ANO3: variants seen among roughly 807,000 people sequenced by gnomAD.
ANO3 encodes anoctamin 3, also known as anoctamin-3.
ANO3 carries 99 observed loss-of-function variants against 144.8 expected under a neutral mutation model. That is an observed-to-expected ratio of 0.68 (90% CI 0.58 to 0.81). ANO3 has a LOEUF of 0.81. Among genes scored for constraint, ANO3 ranks in the 30% least tolerant of loss-of-function variants. The pLI is 0.00. For missense variants in ANO3, 905 were observed against 1,202.2 expected (o/e 0.75, Z 3.66); for synonymous variants, 414 against 392.6 (o/e 1.05, Z -0.64).
At chr11:26,356,355 T>C (rs1365962518) in intron 1 of ANO3, among the ~76,000 whole-genome samples, 1 of 152,158 alleles carries the variant, frequency 6.6e-6, no homozygotes, top group African/African-American at 2.4e-5. Flanking sequence ...AAATTATAGC[T>C]CATCCCTAAA....
chr11:26,561,351 G>C, intron 14 of ANO3: 1 of 696,272 alleles, frequency 1.4e-6, no homozygotes, highest in Non-Finnish European at 2.1e-6. Context: ...GGGCTTTTTA[G>C]ATTTTAGTTT....
chr11:26,341,687 T>A (rs1327693944), intron 1 of ANO3, among the ~76,000 whole-genome samples: 2 of 152,156 alleles, frequency 1.3e-5, no homozygotes, highest in African/African-American at 2.4e-5. Flanking sequence ...CGTCTGCAAG[T>A]TGCAGAGCAA....
chr11:26,358,249 G>A (rs984190343), intron 1 of ANO3, among the ~76,000 whole-genome samples: 2 of 137,064 alleles, frequency 1.5e-5, no homozygotes, highest in Non-Finnish European at 3.0e-5. Flanking sequence ...TCAGCTCACT[G>A]CAACCTCCGC....
chr11:26,230,426 G>A (rs1852365685), intron 1 of ANO3, among the ~76,000 whole-genome samples: 1 of 152,088 alleles, frequency 6.6e-6, no homozygotes, highest in South Asian at 2.1e-4. Context: ...CTCATATCTG[G>A]ACTGATATTC....
Position 26,539,687 on chromosome 11 carries a change from G to A in ANO3, c.1032+2226G>A, listed in dbSNP as rs186669640. On this transcript the variant is annotated intron_variant, in intron 10 of 26. Coordinates refer to ENST00000256737, the MANE Select transcript of ANO3 (RefSeq NM_031418.4). ...TCTTCTTTCCTTATGGGAGCTCACC[G>A]TCCTGGTTGTCAAGGAATATTCTGA... Among the ~76,000 whole-genome samples, 24 of 152,226 alleles carry A rather than the reference G, an allele frequency of 1.6e-4. No individual in the cohort carries two copies. In the East Asian group the frequency reaches 2.3e-3, roughly 15 times the overall value.
chr11:26,605,637 G>A (rs1335757579), intron 17 of ANO3, among the ~76,000 whole-genome samples: 4 of 151,966 alleles, frequency 2.6e-5, no homozygotes, highest in Non-Finnish European at 5.9e-5. Context: ...TCAGGGATTC[G>A]ACTTCTTCCT....
rs528875078 is a variant in ANO3, at chr11:26,582,531, T to C, written c.1448-15834T>C. Among the ~76,000 whole-genome samples, 4 of 152,230 alleles carry C rather than the reference T, an allele frequency of 2.6e-5. No homozygotes were observed. In the East Asian group the frequency reaches 5.8e-4, roughly 22 times the overall value. ...AGGAGATGGAAGTCTTTAAGGAGCT[T>C]AGTTGTAGTTTCAGTTTTTGTTTTT... On this transcript the variant is annotated intron_variant, in intron 14 of 26. Coordinates refer to ENST00000256737, the MANE Select transcript of ANO3 (RefSeq NM_031418.4).
chr11:26,220,488 C>T (rs1022410799), intron 1 of ANO3, among the ~76,000 whole-genome samples: 12 of 151,900 alleles, frequency 7.9e-5, no homozygotes, highest in African/African-American at 2.9e-4. Context: ...TATCCAGGTG[C>T]AGCTGGAGAT....
intron 20 of ANO3, among the ~76,000 whole-genome samples, chr11:26,638,448 G>A (rs6484231): frequency 0.35 from 52,847 of 151,984 alleles, 9,778 homozygotes; most frequent in South Asian, 0.48. Context: ...GTACACATCC[G>A]GCAATCTTCA....
chr11:26,235,089 T>C (rs1852490093), intron 1 of ANO3, among the ~76,000 whole-genome samples: 1 of 151,888 alleles, frequency 6.6e-6, no homozygotes, highest in South Asian at 2.1e-4. Context: ...GGGCCAGCAA[T>C]GGATTTCTAG....
intron 1 of ANO3, among the ~76,000 whole-genome samples, chr11:26,337,789 T>A (rs761074770): frequency 3.9e-5 from 6 of 151,934 alleles, no homozygotes; most frequent in Non-Finnish European, 7.4e-5. Context: ...ACAAAAATTA[T>A]CTGGGTGTGG....
At chr11:26,593,177 C>A (rs1851502467) in intron 14 of ANO3, among the ~76,000 whole-genome samples, 1 of 152,148 alleles carries the variant, frequency 6.6e-6, no homozygotes, top group African/African-American at 2.4e-5. Context: ...AATTCCCTTT[C>A]TCTCCATATT....
Position 26,542,067 on chromosome 11 carries a change from A to C in ANO3, c.1153A>C (p.Arg385=), listed in dbSNP as rs1849660079. Residue 385 remains arginine (R), a splice_region_variant and synonymous_variant, in exon 11 of 27, where the codon AGG becomes CGG. Coordinates refer to ENST00000256737, the MANE Select transcript of ANO3 (RefSeq NM_031418.4). ...TAAGCATCAGCCTCTGGATTTAATC[A>C]GGTACTGCAAATGGAACAATAATGA... ...WYKHQPLDLI[R]LYFGEKIGLY... The C allele has an allele frequency of 6.2e-7, 1 of 1,607,336 alleles. No individual in the cohort carries two copies. Among genetic ancestry groups the C allele is most frequent in the African/African-American group, 1.3e-5 (1 of 74,574 alleles).
chr11:26,417,358 C>T (rs1474870682), intron 1 of ANO3, among the ~76,000 whole-genome samples: 7 of 152,146 alleles, frequency 4.6e-5, no homozygotes, highest in South Asian at 2.1e-4. Flanking sequence ...GTAATAAAAA[C>T]GAACAAATTC....
intron 5 of ANO3, among the ~76,000 whole-genome samples, chr11:26,510,725 T>C (rs1367840629): frequency 6.6e-6 from 1 of 152,252 alleles, no homozygotes; most frequent in Admixed American, 6.5e-5. Context: ...ACATGAAATC[T>C]GTATATTCAT....
chr11:26,416,957 T>C (rs1371440428), intron 1 of ANO3, among the ~76,000 whole-genome samples: 1 of 152,084 alleles, frequency 6.6e-6, no homozygotes, highest in African/African-American at 2.4e-5. Flanking sequence ...TTTTACTGTT[T>C]TCAGCTTCAA....
At position 26,219,253 on chromosome 11, in the gene ANO3, G is replaced by A. The variant is rs906492965; in HGVS notation, c.154+29923G>A. 1.4e-4 allele frequency among the ~76,000 whole-genome samples: 22 copies of A among 152,282 alleles called. 1 individual carries two copies. The highest frequency in any genetic ancestry group is 4.8e-4 in the African/African-American group (20 of 41,574). On this transcript the variant is annotated intron_variant, in intron 1 of 27. Coordinates refer to the ANO3 transcript ENST00000672621. ...AGATATTTTAAAAATTCTTTTCCAA[G>A]AGATGTTTAAACCCATGAGAAAAGG...
At chr11:26,569,067 T>C (rs1171271124) in intron 14 of ANO3, among the ~76,000 whole-genome samples, 1 of 152,062 alleles carries the variant, frequency 6.6e-6, no homozygotes, top group Non-Finnish European at 1.5e-5. Context: ...GTGAGAGACA[T>C]GGCATTGAGC....
chr11:26,230,035 G>T (rs7933096), intron 1 of ANO3, among the ~76,000 whole-genome samples: 46,485 of 151,994 alleles, frequency 0.31, 7,797 homozygotes, highest in Non-Finnish European at 0.37. Flanking sequence ...TCCAAAGCAA[G>T]GTAGGCCATC....
Sources: gnomAD v4.1 joint callset for allele counts (sites outside exome capture counted in the v4.1 genomes callset) on GRCh38, gnomAD v4.1.1 for gene constraint, MANE v1.5 for transcripts, NCBI Gene and HGNC (gene_info 2026-07-23, HGNC 2026-07-21) for gene names.